RIOK3: variants seen among roughly 807,000 people sequenced by gnomAD.
The protein encoded by RIOK3 is RIO kinase 3, also known as serine/threonine-protein kinase RIO3.
A neutral mutation model predicts 63.5 loss-of-function variants in RIOK3; 40 were observed. That is an observed-to-expected ratio of 0.63 (90% confidence interval 0.49 to 0.82). The LOEUF is 0.82. RIOK3 is among the 40% of genes least tolerant of loss of function. The pLI is 0.00. For missense variants in RIOK3, 557 were observed against 637.0 expected (o/e 0.87, Z 1.35); for synonymous variants, 193 against 205.0 (o/e 0.94, Z 0.50).
intron 1 of RIOK3, among the ~76,000 whole-genome samples, chr18:23,459,658 G>A (rs926675665): frequency 3.9e-5 from 6 of 152,082 alleles, no homozygotes; most frequent in Admixed American, 2.6e-4. Flanking sequence ...GGCATGCAGC[G>A]GGGAAAGTAT....
At chr18:23,478,062 A>C (rs1598816753) in intron 11 of RIOK3, among the ~76,000 whole-genome samples, 4 of 144,688 alleles carry the variant, frequency 2.8e-5, no homozygotes, top group African/African-American at 1.0e-4. Flanking sequence ...ACAGAGCAAG[A>C]CTCCTTCTCC....
In RIOK3 at chr18:23,453,348, C is replaced by G. The variant is rs780185609; in HGVS notation, c.-92C>G. On this transcript the variant is annotated 5_prime_UTR_variant, in exon 1 of 13. Coordinates refer to ENST00000339486, the MANE Select transcript of RIOK3 (RefSeq NM_003831.5). ...TCACCTCCACTCCGGCATCAGCAGC[C>G]AGTCGCCCGTGTCCCGCCTGTCTCC... 9.5e-7 allele frequency: 1 copy of G among 1,057,376 alleles called. No homozygotes were observed. The highest frequency in any genetic ancestry group is 1.5e-6 in the Non-Finnish European group (1 of 682,638). The allele number at this position is 1,057,376 out of a possible 1,614,324, so 65.5% of individuals were successfully genotyped here.
At chr18:23,474,805 GT>G in intron 8 of RIOK3, 142 bp from the exon 9 acceptor site, 1 of 623,800 alleles carries the variant, frequency 1.6e-6, no homozygotes, top group Non-Finnish European at 2.8e-6. Flanking sequence ...CAGAGGCTGT[GT>G]TTTACTGTCT....
intron 11 of RIOK3, 132 bp from the exon 12 acceptor site, chr18:23,479,185 G>A (rs539035256): frequency 2.4e-4 from 76 of 312,440 alleles, no homozygotes; most frequent in Non-Finnish European, 4.5e-4. Flanking sequence ...TGAAATTACT[G>A]TGTGTGTGTG....
chr18:23,468,899 G>A (rs931956157), intron 7 of RIOK3, among the ~76,000 whole-genome samples: 1 of 152,122 alleles, frequency 6.6e-6, no homozygotes, highest in Non-Finnish European at 1.5e-5. Flanking sequence ...TCTAGGTGTT[G>A]GCCAGGCTGT....
chr18:23,480,571 A>ACACACACACACACACT (rs2057526161), intron 12 of RIOK3, among the ~76,000 whole-genome samples: 1 of 151,610 alleles, frequency 6.6e-6, no homozygotes, highest in Non-Finnish European at 1.5e-5. Flanking sequence ...ACACACACAC[A>ACACACACACACACACT]CACACACACA....
In RIOK3 at chr18:23,475,075, G is replaced by A; in HGVS notation, c.1141G>A (p.Glu381Lys). 1.2e-6 allele frequency: 2 copies of A among 1,612,904 alleles called. No homozygotes were observed. Among genetic ancestry groups the A allele is most frequent in the Non-Finnish European group, 1.7e-6 (2 of 1,179,400 alleles). Reference protein sequence around the residue: ...KLKEVKLNSEEMKEAYYQTLH... With the variant: ...KLKEVKLNSEKMKEAYYQTLH... The stretch of plus-strand genomic sequence containing the variant: ...AAAAGAAGTAAAGCTCAATAGTGAA[G>A]AAATGAAAGAAGCCTACTATCAAAC... The change falls in exon 9 of 13, where the codon GAA (glutamate) becomes AAA (lysine). Residue 381 changes from glutamate to lysine, a missense_variant. Physicochemically the swap from Glu to Lys is moderately conservative, Grantham distance 56. Transcript: ENST00000339486.
At position 23,483,102 on chromosome 18, in the gene RIOK3, T is replaced by C. The variant is rs2057545948; in HGVS notation, c.*1823T>C. 6.6e-6 allele frequency: 1 copy of C among 152,214 alleles called. No individual in the cohort carries two copies. The highest frequency in any genetic ancestry group is 6.5e-5 in the Admixed American group (1 of 15,280). 9.4% of individuals were successfully genotyped at this position (152,214 alleles called of 1,614,324 possible). On this transcript the variant is annotated 3_prime_UTR_variant, in exon 13 of 13. Transcript: ENST00000339486. ...GCATTCTTGGAGTGTGCTGTGAATGTGCTTTTTAAGAAATTAAAAAGAGAT... is the reference window on the plus strand; with the variant it reads ...GCATTCTTGGAGTGTGCTGTGAATGCGCTTTTTAAGAAATTAAAAAGAGAT...
chr18:23,469,297 C>T (rs2057431489), intron 7 of RIOK3, among the ~76,000 whole-genome samples: 1 of 144,366 alleles, frequency 6.9e-6, no homozygotes, highest in Non-Finnish European at 1.5e-5. Flanking sequence ...TGGTTCCTTT[C>T]TTTCTTCCTC....
At chr18:23,472,141 G>A (rs1274113819) in intron 7 of RIOK3, among the ~76,000 whole-genome samples, 1 of 152,060 alleles carries the variant, frequency 6.6e-6, no homozygotes, top group Non-Finnish European at 1.5e-5. Context: ...GCTGAGGCAG[G>A]AGAATAGCTT....
chr18:23,477,212 C>A lies in RIOK3; in HGVS notation c.1288C>A (p.Pro430Thr), dbSNP rs751187836. The A allele has an allele frequency of 1.9e-5, 30 of 1,613,886 alleles. No homozygotes were observed. Among genetic ancestry groups the A allele is most frequent in the Non-Finnish European group, 2.5e-5 (29 of 1,179,780 alleles). Residue 430 changes from proline (P) to threonine (T), a missense_variant, in exon 11 of 13, where the codon CCT becomes ACT. Pro to Thr is a conservative substitution (Grantham distance 38). This residue lies in a region of RIOK3 where 309 missense variants were observed against 338.7 expected (regional missense o/e 0.91). Coordinates refer to ENST00000339486, the MANE Select transcript of RIOK3 (RefSeq NM_003831.5). ...WLIDVSQSVE[P>T]THPHGLEFLF... ...GATCGATGTCAGTCAGTCAGTAGAA[C>A]CTACCCACCCTCACGGCCTGGAGTT...
intron 4 of RIOK3, 89 bp downstream of exon 4, chr18:23,464,402 C>A: frequency 8.5e-7 from 1 of 1,180,524 alleles, no homozygotes; most frequent in Non-Finnish European, 1.2e-6. Context: ...TTATATTTTT[C>A]TTTGAATCTC....
At chr18:23,458,764 C>T (rs1686239337) in intron 1 of RIOK3, among the ~76,000 whole-genome samples, 1 of 152,196 alleles carries the variant, frequency 6.6e-6, no homozygotes, top group South Asian at 2.1e-4. Flanking sequence ...ATTTTCTGAG[C>T]ACTTGGGATA....
chr18:23,470,306 A>G (rs1236326486), intron 7 of RIOK3, among the ~76,000 whole-genome samples: 3 of 103,330 alleles, frequency 2.9e-5, no homozygotes, highest in Non-Finnish European at 1.8e-5. Context: ...CGGAGCTTGC[A>G]GTGAGCTGAG....
chr18:23,471,521 C>T (rs953065250), intron 7 of RIOK3, among the ~76,000 whole-genome samples: 1 of 152,110 alleles, frequency 6.6e-6, no homozygotes, highest in African/African-American at 2.4e-5. Flanking sequence ...TGAGTTGATT[C>T]TTATTTTCAA....
chr18:23,472,732 A>T (rs1232896367), intron 7 of RIOK3, among the ~76,000 whole-genome samples: 2 of 152,196 alleles, frequency 1.3e-5, no homozygotes, highest in Non-Finnish European at 2.9e-5. Flanking sequence ...GGCTCTTCAC[A>T]GATGTGCCTC....
At chr18:23,475,602 C>G (rs1027142550) in intron 9 of RIOK3, among the ~76,000 whole-genome samples, 1 of 152,100 alleles carries the variant, frequency 6.6e-6, no homozygotes, top group African/African-American at 2.4e-5. Flanking sequence ...GCACCCCAGC[C>G]TGGGCAAGAA....
rs1365513192 is a variant in RIOK3 at position 23,464,287 on chromosome 18, A to G, written c.407A>G (p.Asp136Gly). ...TCTGAAGATGAGGTTGACTGGCAGG[A>G]TACTCGTGATGATCCCTACAGACCA... ...DSSEDEVDWQ[D>G]TRDDPYRPAK... The change falls in exon 4 of 13, where the codon GAT becomes GGT. Residue 136 changes from aspartate to glycine, a missense_variant. Physicochemically the swap from Asp to Gly is moderately conservative, Grantham distance 94. Transcript: ENST00000339486. 1 of 1,613,988 alleles carries G rather than the reference A, an allele frequency of 6.2e-7. No homozygotes were observed. Among genetic ancestry groups the G allele is most frequent in the Non-Finnish European group, 8.5e-7 (1 of 1,179,830 alleles).
rs545190649 is a variant in RIOK3, at chr18:23,470,637, G to A, written c.816-2792G>A. ...TTCTTTAAGAAAAAGGCTAAGGGTG[G>A]GAGAGTTGAAGTTTAGGCACTGAGA... On this transcript the variant is annotated intron_variant, in intron 7 of 12. Transcript: ENST00000339486. Among the ~76,000 whole-genome samples, 5 of 152,268 alleles carry A rather than the reference G, an allele frequency of 3.3e-5. No individual in the cohort carries two copies. In the South Asian group the frequency reaches 1.0e-3, roughly 32 times the overall value.
Sources: gnomAD v4.1 joint callset for allele counts (sites outside exome capture counted in the v4.1 genomes callset) on GRCh38, gnomAD v4.1.1 for gene constraint, gnomAD v4.1.1 regional missense constraint, MANE v1.5 for transcripts, NCBI Gene and HGNC (gene_info 2026-07-23, HGNC 2026-07-21) for gene names.